Variants in ZCCHC24 observed in about 807,000 individuals in gnomAD.
ZCCHC24 encodes zinc finger CCHC domain-containing protein 24.
In ZCCHC24, 10 loss-of-function variants were observed where a neutral mutation model predicts 26.2. The ratio of observed to expected loss-of-function variants is 0.38; its 90% CI spans 0.24 to 0.65. The LOEUF (loss-of-function observed/expected upper bound fraction) is 0.65. ZCCHC24 is among the 30% of genes least tolerant of loss of function. ZCCHC24 has a pLI of 0.54. For missense variants in ZCCHC24, 243 were observed against 329.1 expected (o/e 0.74, Z 2.03); for synonymous variants, 144 against 147.1 (o/e 0.98, Z 0.15).
intron 2 of ZCCHC24, among the ~76,000 whole-genome samples, chr10:79,421,619 T>C (rs1260564048): frequency 6.6e-6 from 1 of 152,172 alleles, no homozygotes; most frequent in Non-Finnish European, 1.5e-5. Context: ...ATGCATTTTT[T>C]ATATTTATTT....
At chr10:79,409,017 C>T (rs1856756495) in intron 2 of ZCCHC24, 1 of 152,208 alleles carries the variant, frequency 6.6e-6, no homozygotes, top group South Asian at 2.1e-4. Flanking sequence ...TATCCAAGCT[C>T]GACAGGCAAG....
chr10:79,419,188 G>T (rs1011033644), intron 2 of ZCCHC24, among the ~76,000 whole-genome samples: 1 of 152,146 alleles, frequency 6.6e-6, no homozygotes, highest in African/African-American at 2.4e-5. Context: ...TCAGGTACAT[G>T]AGCCTCACTT....
At chr10:79,433,630 G>A (rs1857168075) in intron 1 of ZCCHC24, among the ~76,000 whole-genome samples, 1 of 152,232 alleles carries the variant, frequency 6.6e-6, no homozygotes, top group African/African-American at 2.4e-5. Context: ...GCCTCCCCAG[G>A]AGGGTCAACA....
chr10:79,401,098 G>A (rs1293062278), intron 2 of ZCCHC24, among the ~76,000 whole-genome samples: 5 of 152,262 alleles, frequency 3.3e-5, no homozygotes, highest in African/African-American at 1.2e-4. Context: ...GGTGGGCACT[G>A]AGAGCCTGAG....
intron 2 of ZCCHC24, among the ~76,000 whole-genome samples, chr10:79,428,407 GATAAATTTC>G: frequency 3.0e-5 from 1 of 33,048 alleles, no homozygotes; most frequent in African/African-American, 1.7e-4. Flanking sequence ...AGTTTTGCAA[GATAAATTTC>G]AGTTTTGCAA....
At chr10:79,404,972 G>A (rs115214717) in intron 2 of ZCCHC24, among the ~76,000 whole-genome samples, 1 of 152,304 alleles carries the variant, frequency 6.6e-6, no homozygotes, top group African/African-American at 2.4e-5. Context: ...CAAGCTCCAG[G>A]GGCACCCTGG....
At chr10:79,444,063 C>A in intron 1 of ZCCHC24, 1 of 1,529,752 alleles carries the variant, frequency 6.5e-7, no homozygotes, top group Non-Finnish European at 8.8e-7. Context: ...AGGCTTTCCT[C>A]CCCAACCCAT....
intron 2 of ZCCHC24, among the ~76,000 whole-genome samples, chr10:79,417,026 C>T (rs1856872035): frequency 6.6e-6 from 1 of 152,264 alleles, no homozygotes; most frequent in Non-Finnish European, 1.5e-5. Context: ...CAATGGCTCA[C>T]ACTTGCTGAG....
intron 2 of ZCCHC24, among the ~76,000 whole-genome samples, chr10:79,420,437 C>T (rs937915342): frequency 6.6e-6 from 1 of 152,184 alleles, no homozygotes; most frequent in Admixed American, 6.5e-5. Context: ...CTCTTAGAAC[C>T]CTGGGACTTC....
chr10:79,426,222 TTTCA>T (rs1350203500), intron 2 of ZCCHC24, among the ~76,000 whole-genome samples: 1 of 152,058 alleles, frequency 6.6e-6, no homozygotes, highest in African/African-American at 2.4e-5. Context: ...TTAAGCTTGC[TTTCA>T]CTGTTGCCCT....
At chr10:79,434,283 C>T (rs1212935234) in intron 1 of ZCCHC24, among the ~76,000 whole-genome samples, 7 of 152,160 alleles carry the variant, frequency 4.6e-5, no homozygotes, top group South Asian at 2.1e-4. Context: ...CTGCCTGGCC[C>T]GACCACCAAA....
chr10:79,426,985 T>C (rs1857035958), intron 2 of ZCCHC24, among the ~76,000 whole-genome samples: 1 of 145,330 alleles, frequency 6.9e-6, no homozygotes, highest in Non-Finnish European at 1.5e-5. Context: ...AGGTTGGAAA[T>C]AAAAGATAGG....
At chr10:79,429,325 G>A (rs981871812) in intron 2 of ZCCHC24, among the ~76,000 whole-genome samples, 1 of 152,246 alleles carries the variant, frequency 6.6e-6, no homozygotes, top group African/African-American at 2.4e-5. Flanking sequence ...GCTCATGCCT[G>A]TAATCCCAGC....
intron 1 of ZCCHC24, among the ~76,000 whole-genome samples, chr10:79,435,233 T>C (rs2395571): frequency 2.6e-5 from 4 of 152,246 alleles, no homozygotes; most frequent in Admixed American, 6.5e-5. Context: ...TTATTTTTTT[T>C]CCCCTGGATA....
At chr10:79,399,554 T>G (rs1008963558) in intron 2 of ZCCHC24, among the ~76,000 whole-genome samples, 2 of 152,112 alleles carry the variant, frequency 1.3e-5, no homozygotes, top group Non-Finnish European at 2.9e-5. Context: ...GACAGGCCCT[T>G]TGGGGACCAG....
chr10:79,394,569 G>C lies in ZCCHC24; in HGVS notation c.448-129C>G. On this transcript the variant is annotated intron_variant, in intron 2 of 3. Coordinates refer to ENST00000372336, the MANE Select transcript of ZCCHC24 (RefSeq NM_153367.4). ...TGTGTGCAGGCACCTTTTGTCCCCA[G>C]TCTAGATAATACCAGGGTCATCCCC... is the stretch of plus-strand genomic sequence containing the variant. 3 of 1,456,670 alleles carry C rather than the reference G, an allele frequency of 2.1e-6. No individual in the cohort carries two copies. In the South Asian group the frequency reaches 4.3e-5, roughly 21 times the overall value. The allele number at this position is 1,456,670 out of a possible 1,614,324, so 90.2% of individuals were successfully genotyped here. A position where few individuals can be genotyped will look rare whatever the true frequency, so the allele number is the denominator to read the frequency against.
intron 2 of ZCCHC24, among the ~76,000 whole-genome samples, chr10:79,413,401 C>T (rs1404006218): frequency 6.6e-6 from 1 of 152,252 alleles, no homozygotes; most frequent in African/African-American, 2.4e-5. Flanking sequence ...GGGCACCCGT[C>T]CTGGGGGAGT....
chr10:79,394,785 GCA>G (rs1856523446), intron 2 of ZCCHC24, among the ~76,000 whole-genome samples: 1 of 152,214 alleles, frequency 6.6e-6, no homozygotes, highest in South Asian at 2.1e-4. Context: ...CTGCACACAG[GCA>G]CTCTTTGGCC....
intron 1 of ZCCHC24, 54 bp downstream of exon 1, chr10:79,445,141 C>CGGTGGGGT: frequency 1.1e-6 from 1 of 920,766 alleles, no homozygotes; most frequent in South Asian, 3.8e-5. Flanking sequence ...CGGCCCGCCA[C>CGGTGGGGT]GGTGGGGCGG....
Sources: gnomAD v4.1 joint callset for allele counts (sites outside exome capture counted in the v4.1 genomes callset) on GRCh38, gnomAD v4.1.1 for gene constraint, MANE v1.5 for transcripts, NCBI Gene and HGNC (gene_info 2026-07-23, HGNC 2026-07-21) for gene names.